AGBL1: variants seen among roughly 807,000 people sequenced by gnomAD.
AGBL1 encodes the protein cytosolic carboxypeptidase 4.
In AGBL1, 130 loss-of-function variants were observed where a neutral mutation model predicts 118.9. The observed-to-expected ratio is 1.09, with a 90% CI of 0.95 to 1.26. The LOEUF (loss-of-function observed/expected upper bound fraction) is 1.26, where lower values mean the gene tolerates loss of function less well. AGBL1 is among the 50% of genes most tolerant of loss of function. AGBL1 has a pLI of 0.00. For missense variants in AGBL1, 1,584 were observed against 1,298.1 expected, an observed-to-expected ratio of 1.22 and a Z score of -3.38; for synonymous variants, 555 against 478.9, an observed-to-expected ratio of 1.16 and a Z score of -2.08.
At chr15:86,545,887 G>A in intron 19 of AGBL1, 115 bp from the exon 20 acceptor site, 1 of 1,299,408 alleles carries the variant, frequency 7.7e-7, no homozygotes, top group Non-Finnish European at 1.1e-6. Flanking sequence ...ATCCGAGAAA[G>A]TTGACATTGT....
chr15:86,337,245 C>T (rs1189280441), intron 17 of AGBL1, among the ~76,000 whole-genome samples: 2 of 151,980 alleles, frequency 1.3e-5, no homozygotes, highest in Admixed American at 6.5e-5. Context: ...CACAGATTTA[C>T]GCAGGAAACA....
intron 18 of AGBL1, among the ~76,000 whole-genome samples, chr15:86,469,893 T>C (rs2082457211): frequency 1.3e-5 from 2 of 152,274 alleles, no homozygotes; most frequent in African/African-American, 4.8e-5. Flanking sequence ...GAAATGTCTA[T>C]TTAGGTCCTT....
At chr15:86,695,573 AT>A (rs913751678) in intron 22 of AGBL1, among the ~76,000 whole-genome samples, 1 of 150,618 alleles carries the variant, frequency 6.6e-6, no homozygotes, top group Non-Finnish European at 1.5e-5. Flanking sequence ...TTTGTATTGT[AT>A]TTTTTTGTTT....
chr15:86,691,231 C>G (rs141464801), intron 22 of AGBL1, among the ~76,000 whole-genome samples: 1 of 152,038 alleles, frequency 6.6e-6, no homozygotes, highest in Non-Finnish European at 1.5e-5. Flanking sequence ...AGTTTGCAAG[C>G]AAAACACAAG....
chr15:86,419,193 C>T (rs1170327101), intron 18 of AGBL1, among the ~76,000 whole-genome samples: 6 of 63,276 alleles, frequency 9.5e-5, no homozygotes, highest in Non-Finnish European at 1.4e-4. Context: ...GGAACAGCTC[C>T]GGTCTATAGC....
intron 17 of AGBL1, among the ~76,000 whole-genome samples, chr15:86,343,172 G>C (rs2080487546): frequency 6.6e-6 from 1 of 152,188 alleles, no homozygotes; most frequent in African/African-American, 2.4e-5. Flanking sequence ...TATGAATTGA[G>C]AGGCTAATCT....
At chr15:86,770,211 T>A (rs1185883131) in intron 22 of AGBL1, among the ~76,000 whole-genome samples, 1 of 151,950 alleles carries the variant, frequency 6.6e-6, no homozygotes, top group Non-Finnish European at 1.5e-5. Flanking sequence ...AGTTAGTTTA[T>A]AGAGATGAAT....
At chr15:86,079,789 G>T (rs960559935), upstream of AGBL1, 1 of 398,252 alleles carries the variant, frequency 2.5e-6, no homozygotes, top group Admixed American at 4.5e-5. Context: ...GGAGTCGGTG[G>T]GTATTCACGC....
intron 18 of AGBL1, among the ~76,000 whole-genome samples, chr15:86,446,413 C>T (rs1331413594): frequency 1.3e-5 from 2 of 152,194 alleles, no homozygotes; most frequent in African/African-American, 4.8e-5. Context: ...ATTGGCATAG[C>T]AAGCTGTATT....
At chr15:86,470,742 T>C (rs984178821) in intron 18 of AGBL1, among the ~76,000 whole-genome samples, 4 of 152,150 alleles carry the variant, frequency 2.6e-5, no homozygotes, top group African/African-American at 9.7e-5. Flanking sequence ...AGTGTACACA[T>C]CTTTCAGCTC....
intron 22 of AGBL1, among the ~76,000 whole-genome samples, chr15:86,823,906 T>C (rs971178335): frequency 2.0e-5 from 3 of 152,010 alleles, no homozygotes; most frequent in African/African-American, 7.2e-5. Flanking sequence ...CTCAGAAAAT[T>C]AGAAATGGAG....
At chr15:86,753,513 T>G (rs1050713263) in intron 22 of AGBL1, among the ~76,000 whole-genome samples, 2 of 150,530 alleles carry the variant, frequency 1.3e-5, no homozygotes, top group Non-Finnish European at 3.0e-5. Context: ...TTCTCTTGCC[T>G]TAGCTTGCTG....
intron 1 of AGBL1, among the ~76,000 whole-genome samples, chr15:86,093,998 A>G (rs1178313461): frequency 1.3e-5 from 2 of 152,162 alleles, no homozygotes; most frequent in East Asian, 1.9e-4. Flanking sequence ...ATTACATTCT[A>G]ATCTAGTATT....
At chr15:86,130,579 T>C (rs2076806828) in intron 1 of AGBL1, among the ~76,000 whole-genome samples, 1 of 152,212 alleles carries the variant, frequency 6.6e-6, no homozygotes, top group Non-Finnish European at 1.5e-5. Context: ...TATCATGTAA[T>C]TTTTTGTAGA....
intron 18 of AGBL1, among the ~76,000 whole-genome samples, chr15:86,477,288 C>T (rs908692458): frequency 1.3e-5 from 2 of 152,060 alleles, no homozygotes; most frequent in Non-Finnish European, 1.5e-5. Flanking sequence ...ATCAATGAAT[C>T]CAGGAGCTGG....
chr15:86,804,671 T>C (rs1457755741), intron 22 of AGBL1, among the ~76,000 whole-genome samples: 1 of 152,130 alleles, frequency 6.6e-6, no homozygotes, highest in Non-Finnish European at 1.5e-5. Context: ...GTCATACTGT[T>C]TTTTCTTGCA....
At chr15:86,685,742 A>G (rs1197897421) in intron 22 of AGBL1, among the ~76,000 whole-genome samples, 2 of 152,182 alleles carry the variant, frequency 1.3e-5, no homozygotes, top group African/African-American at 4.8e-5. Context: ...GTATTATATG[A>G]CTGATCAGTG....
At chr15:86,400,941 C>G (rs2081436216) in intron 18 of AGBL1, among the ~76,000 whole-genome samples, 1 of 152,048 alleles carries the variant, frequency 6.6e-6, no homozygotes. Context: ...GTTCAAGTGA[C>G]TTTCATATAA....
chr15:86,677,026 C>G (rs1208692018), intron 22 of AGBL1, among the ~76,000 whole-genome samples: 1 of 151,900 alleles, frequency 6.6e-6, no homozygotes, highest in Non-Finnish European at 1.5e-5. Flanking sequence ...AAACAAACAA[C>G]AACAAAAAAA....
Sources: gnomAD v4.1 joint callset for allele counts (sites outside exome capture counted in the v4.1 genomes callset) on GRCh38, gnomAD v4.1.1 for gene constraint, MANE v1.5 for transcripts, NCBI Gene and HGNC (gene_info 2026-07-23, HGNC 2026-07-21) for gene names.